TCF12: variants seen among roughly 807,000 people sequenced by gnomAD.
TCF12 encodes DNA-binding protein HTF4.
In TCF12, 45 loss-of-function variants were observed where a neutral mutation model predicts 86.0. The observed-to-expected ratio is 0.52, with a 90% CI of 0.41 to 0.67. The LOEUF is 0.67. Among genes scored for constraint, TCF12 ranks in the 30% least tolerant of loss-of-function variants. The pLI is 0.00. For missense variants in TCF12, 881 were observed against 859.9 expected, an observed-to-expected ratio of 1.02 and a Z score of -0.31; for synonymous variants, 330 against 299.6, an observed-to-expected ratio of 1.10 and a Z score of -1.05.
intron 3 of TCF12, among the ~76,000 whole-genome samples, chr15:56,926,281 C>G (rs1325762891): frequency 6.7e-6 from 1 of 150,332 alleles, no homozygotes; most frequent in East Asian, 2.0e-4. Context: ...CCACGGCACT[C>G]CAGCCTGGGT....
intron 4 of TCF12, among the ~76,000 whole-genome samples, chr15:57,076,151 C>T (rs2070015102): frequency 6.6e-6 from 1 of 151,768 alleles, no homozygotes. Context: ...CCACTGCGTT[C>T]GGATGGGCAT....
chr15:57,185,751 G>A (rs1045268582), intron 6 of TCF12, among the ~76,000 whole-genome samples: 3 of 152,130 alleles, frequency 2.0e-5, no homozygotes, highest in Non-Finnish European at 4.4e-5. Flanking sequence ...AGGTGTGGTG[G>A]TGCACATCTA....
intron 3 of TCF12, among the ~76,000 whole-genome samples, chr15:57,006,307 A>G (rs2064368780): frequency 1.3e-5 from 2 of 151,666 alleles, no homozygotes; most frequent in South Asian, 2.1e-4. Context: ...TAAGATTGCT[A>G]TTAATTTTTT....
At chr15:57,085,298 G>C (rs2048550693) in intron 4 of TCF12, among the ~76,000 whole-genome samples, 1 of 152,172 alleles carries the variant, frequency 6.6e-6, no homozygotes, top group South Asian at 2.1e-4. Flanking sequence ...CTATCTCCCT[G>C]TTAAGAAATT....
At chr15:57,044,729 G>A (rs1262321804) in intron 3 of TCF12, among the ~76,000 whole-genome samples, 2 of 151,574 alleles carry the variant, frequency 1.3e-5, no homozygotes, top group African/African-American at 4.9e-5. Flanking sequence ...TTATAAGACT[G>A]TGTTTAGGAT....
intron 4 of TCF12, among the ~76,000 whole-genome samples, chr15:57,066,345 G>T (rs1353587421): frequency 6.6e-6 from 1 of 151,948 alleles, no homozygotes; most frequent in African/African-American, 2.4e-5. Flanking sequence ...TAAGTACATT[G>T]AGGTTCTTAA....
At chr15:57,273,889 G>C (rs1417962132) in intron 19 of TCF12, among the ~76,000 whole-genome samples, 2 of 152,144 alleles carry the variant, frequency 1.3e-5, no homozygotes, top group African/African-American at 4.8e-5. Context: ...CAGGAAGTTT[G>C]TTGCAGTTTT....
intron 6 of TCF12, among the ~76,000 whole-genome samples, chr15:57,184,087 C>G (rs12914425): frequency 0.39 from 58,552 of 151,830 alleles, 14,061 homozygotes; most frequent in Non-Finnish European, 0.53. Context: ...AAACAGACTT[C>G]TCTTCACCAC....
At chr15:57,231,426 G>A (rs1437660116) in intron 9 of TCF12, among the ~76,000 whole-genome samples, 169 bp downstream of exon 9, 1 of 152,066 alleles carries the variant, frequency 6.6e-6, no homozygotes, top group Admixed American at 6.6e-5. Flanking sequence ...ATTGCTGACT[G>A]CAATTTAATT....
intron 19 of TCF12, among the ~76,000 whole-genome samples, chr15:57,278,187 T>C (rs1323874432): frequency 1.3e-5 from 2 of 151,964 alleles, no homozygotes; most frequent in Non-Finnish European, 2.9e-5. Flanking sequence ...AATAAGTGCA[T>C]AATCAACAAA....
At chr15:57,103,108 T>C (rs1364012636) in intron 5 of TCF12, among the ~76,000 whole-genome samples, 1 of 152,186 alleles carries the variant, frequency 6.6e-6, no homozygotes, top group Non-Finnish European at 1.5e-5. Context: ...AGTGTGAGAA[T>C]TGCACAGTAA....
chr15:57,069,257 A>T (rs2069163717), intron 4 of TCF12, among the ~76,000 whole-genome samples: 1 of 152,170 alleles, frequency 6.6e-6, no homozygotes, highest in African/African-American at 2.4e-5. Context: ...CACTGATAGG[A>T]ATTACATTTA....
At chr15:57,153,431 A>G (rs915756135) in intron 5 of TCF12, among the ~76,000 whole-genome samples, 4 of 152,232 alleles carry the variant, frequency 2.6e-5, no homozygotes, top group Non-Finnish European at 4.4e-5. Context: ...GCCATGAGTC[A>G]TAGTGTGCCA....
chr15:57,129,509 G>A lies in TCF12; in HGVS notation c.326-36893G>A, dbSNP rs138928964. Reference sequence around the variant, plus strand: ...TCAAGGCTGCAGTGATCTGTGATGCGCCACTGCATTCCAACCCTAGGCAAC... The same window carrying A: ...TCAAGGCTGCAGTGATCTGTGATGCACCACTGCATTCCAACCCTAGGCAAC... On this transcript the variant is annotated intron_variant, in intron 5 of 20. Coordinates refer to ENST00000333725, the MANE Select transcript of TCF12 (RefSeq NM_207037.2). 2.9e-3 allele frequency among the ~76,000 whole-genome samples: 443 copies of A among 152,218 alleles called. 1 individual carries two copies. The highest frequency in any genetic ancestry group is 4.7e-3 in the Non-Finnish European group (321 of 68,024).
At chr15:57,281,170 C>T (rs575942605) in intron 19 of TCF12, among the ~76,000 whole-genome samples, 3 of 147,622 alleles carry the variant, frequency 2.0e-5, no homozygotes, top group Non-Finnish European at 3.0e-5. Context: ...GTGGCACGAT[C>T]ACTGCAGCCT....
chr15:57,194,321 A>G (rs2057138269), intron 7 of TCF12, among the ~76,000 whole-genome samples: 3 of 152,312 alleles, frequency 2.0e-5, no homozygotes, highest in Admixed American at 6.5e-5. Flanking sequence ...TGTAATGTTA[A>G]CTTCATGTTA....
intron 5 of TCF12, 116 bp downstream of exon 5, chr15:57,092,007 T>G (rs1269623577): frequency 4.7e-5 from 33 of 704,032 alleles, no homozygotes; most frequent in Non-Finnish European, 7.3e-5. Context: ...CTTGAGTTTC[T>G]AGGGGCATCT....
chr15:57,233,954 A>G, intron 11 of TCF12, 89 bp from the exon 12 acceptor site: 2 of 1,021,766 alleles, frequency 2.0e-6, no homozygotes, highest in South Asian at 2.6e-5. Context: ...TGAGATGATG[A>G]TAGAGAACAC....
At chr15:57,067,712 G>T (rs1440989361) in intron 4 of TCF12, among the ~76,000 whole-genome samples, 5 of 152,178 alleles carry the variant, frequency 3.3e-5, no homozygotes, top group African/African-American at 1.2e-4. Context: ...TAGAGTCCTG[G>T]TTTCTGCACT....
Sources: gnomAD v4.1 joint callset for allele counts (sites outside exome capture counted in the v4.1 genomes callset) on GRCh38, gnomAD v4.1.1 for gene constraint, MANE v1.5 for transcripts, NCBI Gene and HGNC (gene_info 2026-07-23, HGNC 2026-07-21) for gene names.